CNTN5: variants seen among roughly 807,000 people sequenced by gnomAD.
CNTN5 encodes the protein contactin 5.
Under a neutral mutation model 129.1 loss-of-function variants are expected in CNTN5, and 77 were observed. The ratio of observed to expected loss-of-function variants is 0.60; its 90% CI spans 0.50 to 0.72. The LOEUF (loss-of-function observed/expected upper bound fraction) is 0.72, where lower values mean the gene tolerates loss of function less well. Ranked by LOEUF, CNTN5 falls within the 30% of genes least tolerant of loss-of-function variation. The probability of loss-of-function intolerance (pLI) is 0.00; values close to 1 mark genes in which losing one functional copy is unlikely to be tolerated. For missense variants in CNTN5, 1,478 were observed against 1,328.8 expected (o/e 1.11, Z -1.75); for synonymous variants, 509 against 465.6 (o/e 1.09, Z -1.20).
At chr11:99,095,860 A>G (rs748882086) in intron 1 of CNTN5, among the ~76,000 whole-genome samples, 3 of 151,998 alleles carry the variant, frequency 2.0e-5, no homozygotes, top group Non-Finnish European at 2.9e-5. Flanking sequence ...TTACATTGAG[A>G]GACATGATGT....
At chr11:100,048,911 A>G (rs1466035372) in intron 9 of CNTN5, among the ~76,000 whole-genome samples, 1 of 145,104 alleles carries the variant, frequency 6.9e-6, no homozygotes, top group Non-Finnish European at 1.6e-5. Flanking sequence ...TTGATGAAAA[A>G]CAAAAATAAA....
At chr11:99,918,744 G>A (rs1388877519) in intron 7 of CNTN5, among the ~76,000 whole-genome samples, 1 of 152,106 alleles carries the variant, frequency 6.6e-6, no homozygotes, top group Admixed American at 6.6e-5. Context: ...CAAAGGTTTG[G>A]CTTATTCAGC....
chr11:99,029,686 T>A (rs892311955), intron 1 of CNTN5, among the ~76,000 whole-genome samples: 2 of 152,086 alleles, frequency 1.3e-5, no homozygotes, highest in Non-Finnish European at 2.9e-5. Flanking sequence ...TTAAAAATTA[T>A]AAAATGAGGA....
chr11:99,350,981 G>A (rs1299621607), intron 2 of CNTN5, among the ~76,000 whole-genome samples: 1 of 151,956 alleles, frequency 6.6e-6, no homozygotes, highest in Admixed American at 6.6e-5. Context: ...GAGAGCAAAT[G>A]GACCCAGGGA....
chr11:99,842,696 A>G (rs1947550387), intron 4 of CNTN5, among the ~76,000 whole-genome samples: 1 of 152,210 alleles, frequency 6.6e-6, no homozygotes, highest in Non-Finnish European at 1.5e-5. Context: ...CTGCAAGTTA[A>G]TTCTTAAAAT....
intron 9 of CNTN5, among the ~76,000 whole-genome samples, chr11:100,028,182 T>C (rs770579): frequency 0.11 from 17,005 of 152,076 alleles, 1,097 homozygotes; most frequent in Middle Eastern, 0.23. Flanking sequence ...AGTACTAATT[T>C]AACCTACCAT....
intron 15 of CNTN5, among the ~76,000 whole-genome samples, chr11:100,195,660 A>G (rs1226353815): frequency 6.6e-6 from 1 of 152,016 alleles, no homozygotes; most frequent in Non-Finnish European, 1.5e-5. Context: ...TAAGGTATAA[A>G]GCCAAAATAT....
chr11:100,172,802 T>C (rs1488599946), intron 13 of CNTN5, among the ~76,000 whole-genome samples: 1 of 152,064 alleles, frequency 6.6e-6, no homozygotes, highest in Non-Finnish European at 1.5e-5. Context: ...AAAGAGGTTA[T>C]GATTATGAGG....
intron 6 of CNTN5, among the ~76,000 whole-genome samples, chr11:99,895,113 A>G (rs2135926795): frequency 6.6e-6 from 1 of 152,302 alleles, no homozygotes; most frequent in South Asian, 2.1e-4. Context: ...GATATTAAGA[A>G]CCTTGGTAGC....
chr11:99,036,666 T>G (rs555132551), intron 1 of CNTN5, among the ~76,000 whole-genome samples: 1 of 152,180 alleles, frequency 6.6e-6, no homozygotes, highest in Non-Finnish European at 1.5e-5. Flanking sequence ...TCCATAGCGA[T>G]GATACTAATA....
At chr11:99,764,482 C>CT (rs1039195956) in intron 3 of CNTN5, among the ~76,000 whole-genome samples, 5 of 152,088 alleles carry the variant, frequency 3.3e-5, no homozygotes, top group African/African-American at 1.2e-4. Context: ...ATGGCGTGAT[C>CT]TTGGCTCACT....
chr11:99,167,453 T>C (rs1279234508), intron 1 of CNTN5, among the ~76,000 whole-genome samples: 1 of 152,216 alleles, frequency 6.6e-6, no homozygotes, highest in Non-Finnish European at 1.5e-5. Context: ...AACTAGCCTA[T>C]GATTATTTTT....
chr11:100,026,614 G>C (rs904897235), intron 9 of CNTN5, among the ~76,000 whole-genome samples: 2 of 152,114 alleles, frequency 1.3e-5, no homozygotes, highest in African/African-American at 4.8e-5. Flanking sequence ...ATTTTAATTT[G>C]CATGTCACTC....
chr11:99,402,054 C>T (rs756247652), intron 2 of CNTN5, among the ~76,000 whole-genome samples: 1 of 152,054 alleles, frequency 6.6e-6, no homozygotes, highest in Admixed American at 6.6e-5. Context: ...TTTGGACGCA[C>T]TTTATATATT....
chr11:100,061,246 G>A lies in CNTN5; in HGVS notation c.1015G>A (p.Gly339Ser), dbSNP rs200767659. 1,415 of 1,613,148 alleles carry A rather than the reference G, an allele frequency of 8.8e-4. No homozygotes were observed. Among genetic ancestry groups the A allele is most frequent in the Non-Finnish European group, 1.1e-3 (1,343 of 1,179,260 alleles). The change falls in exon 10 of 25, where the codon GGT (glycine) becomes AGT (serine). Residue 339 changes from glycine (G) to serine (S), a missense_variant. Coordinates refer to ENST00000524871, the MANE Select transcript of CNTN5 (RefSeq NM_014361.4). Reference protein sequence around the residue: ...VPTITWMKVNGYIPSKARLRK... With the variant: ...VPTITWMKVNSYIPSKARLRK... ...AACAATCACATGGATGAAGGTTAATGGTTATATTCCTAGTAAGGCACGTCT... is the reference window on the plus strand; with the variant it reads ...AACAATCACATGGATGAAGGTTAATAGTTATATTCCTAGTAAGGCACGTCT...
At chr11:99,559,390 C>T (rs1454615242) in intron 3 of CNTN5, among the ~76,000 whole-genome samples, 3 of 152,084 alleles carry the variant, frequency 2.0e-5, no homozygotes, top group Non-Finnish European at 4.4e-5. Context: ...TCTTACCTAA[C>T]TCTATGTTTG....
At chr11:99,558,389 T>G (rs1240092824) in intron 3 of CNTN5, 1 of 281,112 alleles carries the variant, frequency 3.6e-6, no homozygotes, top group African/African-American at 2.2e-5. Context: ...TTTTTGTTGT[T>G]GTTTTGTTTT....
chr11:100,328,308 A>G (rs1360280219), intron 21 of CNTN5, among the ~76,000 whole-genome samples: 1 of 152,166 alleles, frequency 6.6e-6, no homozygotes, highest in Non-Finnish European at 1.5e-5. Flanking sequence ...GTAAGCTCAG[A>G]TCATGCCACT....
chr11:100,109,308 C>T lies in CNTN5; in HGVS notation c.1580+35014C>T, dbSNP rs575773332. 4.9e-4 allele frequency among the ~76,000 whole-genome samples: 74 copies of T among 152,262 alleles called. 1 individual carries two copies. Among genetic ancestry groups the T allele is most frequent in the African/African-American group, 1.8e-3 (73 of 41,538 alleles). On this transcript the variant is annotated intron_variant, in intron 13 of 24. Coordinates refer to ENST00000524871, the MANE Select transcript of CNTN5 (RefSeq NM_014361.4). ...AGGCGTGTTGACAGGCGCTTGTAAT[C>T]CCAGCTACTCGGGAGGCTGAGGCAG...
Sources: gnomAD v4.1 joint callset for allele counts (sites outside exome capture counted in the v4.1 genomes callset) on GRCh38, gnomAD v4.1.1 for gene constraint, MANE v1.5 for transcripts, NCBI Gene and HGNC (gene_info 2026-07-23, HGNC 2026-07-21) for gene names.